The following HYAL4 variants were observed in gnomAD, a reference collection of about 807,000 sequenced individuals.
HYAL4 encodes the protein hyaluronidase-4.
Under a neutral mutation model 35.2 loss-of-function variants are expected in HYAL4, and 37 were observed. The ratio of observed to expected loss-of-function variants is 1.05; its 90% CI spans 0.81 to 1.38. HYAL4 has a LOEUF of 1.38. HYAL4 is among the 40% of genes most tolerant of loss of function. HYAL4 has a pLI of 0.00. For missense variants in HYAL4, 572 were observed against 572.4 expected (o/e 1.00, Z 0.01); for synonymous variants, 198 against 203.2 (o/e 0.97, Z 0.22).
chr7:123,867,463 A>G, intron 2 of HYAL4, among the ~76,000 whole-genome samples: 1 of 152,158 alleles, frequency 6.6e-6, no homozygotes, highest in Middle Eastern at 3.2e-3. Flanking sequence ...TCCTTGAAAC[A>G]TTCTGGGAGG....
At chr7:123,811,171 T>G in the HYAL4 span, among the ~76,000 whole-genome samples, 1 of 152,182 alleles carries the variant, frequency 6.6e-6, no homozygotes, top group African/African-American at 2.4e-5. Context: ...GATTTTTGTG[T>G]GGGTGTAAGT....
the HYAL4 span, among the ~76,000 whole-genome samples, chr7:123,781,713 A>T: frequency 6.6e-6 from 1 of 152,130 alleles, no homozygotes; most frequent in Non-Finnish European, 1.5e-5. Context: ...TCTCTTTAAT[A>T]TTTTTATATT....
intron 1 of HYAL4, among the ~76,000 whole-genome samples, chr7:123,838,794 T>G (rs1254137713): frequency 6.6e-6 from 1 of 152,156 alleles, no homozygotes; most frequent in Non-Finnish European, 1.5e-5. Flanking sequence ...TTTGGTCGTT[T>G]AACATAGTCT....
the HYAL4 span, among the ~76,000 whole-genome samples, chr7:123,783,813 C>T: frequency 6.6e-6 from 1 of 152,150 alleles, no homozygotes; most frequent in African/African-American, 2.4e-5. Context: ...TTGGTGAGTA[C>T]CCTTCAATAT....
At chr7:123,809,883 A>C in the HYAL4 span, among the ~76,000 whole-genome samples, 3 of 152,172 alleles carry the variant, frequency 2.0e-5, no homozygotes, top group Admixed American at 1.3e-4. Flanking sequence ...GAACAGCCCC[A>C]GTTGATTGAA....
At chr7:123,783,981 A>G in the HYAL4 span, among the ~76,000 whole-genome samples, 5 of 152,140 alleles carry the variant, frequency 3.3e-5, no homozygotes, top group East Asian at 9.6e-4. Context: ...TTGTAATCTA[A>G]TCTTACTATT....
upstream of HYAL4, among the ~76,000 whole-genome samples, chr7:123,825,728 A>G (rs1440902050): frequency 1.3e-5 from 2 of 152,182 alleles, no homozygotes; most frequent in East Asian, 1.9e-4. Flanking sequence ...TAGTCAATCA[A>G]TCAATCATGT....
chr7:123,797,756 A>G, the HYAL4 span, among the ~76,000 whole-genome samples: 1 of 152,192 alleles, frequency 6.6e-6, no homozygotes, highest in Non-Finnish European at 1.5e-5. Context: ...CATCATTACT[A>G]GACTCTGCTT....
At chr7:123,781,555 C>T in the HYAL4 span, among the ~76,000 whole-genome samples, 1 of 151,314 alleles carries the variant, frequency 6.6e-6, no homozygotes, top group African/African-American at 2.4e-5. Flanking sequence ...ATCTCTCGTC[C>T]CACCTTACGA....
chr7:123,774,638 C>A, the HYAL4 span, among the ~76,000 whole-genome samples: 1 of 152,192 alleles, frequency 6.6e-6, no homozygotes, highest in South Asian at 2.1e-4. Context: ...ACTCAAAAAC[C>A]CTTCAGTATT....
At chr7:123,820,171 G>A in the HYAL4 span, among the ~76,000 whole-genome samples, 1 of 151,974 alleles carries the variant, frequency 6.6e-6, no homozygotes, top group Admixed American at 6.6e-5. Flanking sequence ...GGGATTACAG[G>A]CATGAGCCAC....
rs568415917 is a variant in HYAL4 at position 123,868,254 on chromosome 7, C to T, written c.-20C>T. 30 of 1,383,318 alleles carry T rather than the reference C, an allele frequency of 2.2e-5. No homozygotes were observed. Among genetic ancestry groups the T allele is most frequent in the South Asian group, 7.3e-5 (5 of 68,324 alleles). 85.7% of individuals were successfully genotyped at this position (1,383,318 alleles called of 1,614,324 possible). ...TAGAGTGCACTAAAGCAGAAGATAA[C>T]GTAACATTTTTATCTTACCATGAAA... On this transcript the variant is annotated 5_prime_UTR_variant, in exon 3 of 5. The change creates a new upstream start codon in the 5' untranslated region. Coordinates refer to ENST00000223026, the MANE Select transcript of HYAL4 (RefSeq NM_012269.3).
the HYAL4 span, among the ~76,000 whole-genome samples, chr7:123,768,605 A>C: frequency 6.6e-6 from 1 of 152,230 alleles, no homozygotes; most frequent in Admixed American, 6.5e-5. Context: ...CATCTGCACC[A>C]ACCTTATGGC....
chr7:123,868,659 T>G lies in HYAL4; in HGVS notation c.386T>G (p.Ile129Ser), dbSNP rs199754847. ...CATCTGGAAAAAGCTGACCAAGATATTAATTATTACATCCCTGCTGAAGAT... is the reference window on the plus strand; with the variant it reads ...CATCTGGAAAAAGCTGACCAAGATAGTAATTATTACATCCCTGCTGAAGAT... ...QVHLEKADQD[I>S]NYYIPAEDFS... The change falls in exon 3 of 5, where the codon ATT (isoleucine) becomes AGT (serine). Residue 129 changes from isoleucine (I) to serine (S), a missense_variant. Coordinates refer to ENST00000223026, the MANE Select transcript of HYAL4 (RefSeq NM_012269.3). 5 of 1,613,752 alleles carry G rather than the reference T, an allele frequency of 3.1e-6. No homozygotes were observed. The East Asian group carries it at 1.1e-4, about 36-fold the overall frequency.
At chr7:123,815,253 A>G in the HYAL4 span, among the ~76,000 whole-genome samples, 1 of 152,216 alleles carries the variant, frequency 6.6e-6, no homozygotes, top group Non-Finnish European at 1.5e-5. Context: ...GATTCTTACC[A>G]GCTTAGCATT....
the HYAL4 span, among the ~76,000 whole-genome samples, chr7:123,766,545 C>T: frequency 6.6e-6 from 1 of 151,898 alleles, no homozygotes. Flanking sequence ...ACCAGTTGTA[C>T]TAAAGTATAT....
chr7:123,824,976 A>G (rs991280887), upstream of HYAL4, among the ~76,000 whole-genome samples: 26 of 152,066 alleles, frequency 1.7e-4, no homozygotes, highest in Non-Finnish European at 3.5e-4. Flanking sequence ...CTCTACTTCA[A>G]ATTCCTTTCA....
chr7:123,845,050 A>C (rs1806146697), upstream of HYAL4: 1 of 152,274 alleles, frequency 6.6e-6, no homozygotes, highest in African/African-American at 2.4e-5. Flanking sequence ...AACCAGTCCC[A>C]GTGAGATGAA....
chr7:123,779,684 C>G, the HYAL4 span, among the ~76,000 whole-genome samples: 1 of 151,840 alleles, frequency 6.6e-6, no homozygotes, highest in Non-Finnish European at 1.5e-5. Context: ...ATTTTCATCT[C>G]TAGGTAAACT....
Sources: allele counts gnomAD v4.1 joint callset (sites outside exome capture counted in the v4.1 genomes callset), GRCh38; gene constraint gnomAD v4.1.1; transcripts MANE v1.5; gene names NCBI Gene and HGNC (gene_info 2026-07-23, HGNC 2026-07-21).